Variants in SCLT1 observed in about 807,000 individuals in gnomAD.
SCLT1 encodes sodium channel and clathrin linker 1.
Under a neutral mutation model 112.8 loss-of-function variants are expected in SCLT1, and 78 were observed. That is an observed-to-expected ratio of 0.69 (90% CI 0.58 to 0.83). The LOEUF is 0.83. Among genes scored for constraint, SCLT1 ranks in the 40% least tolerant of loss-of-function variants. The probability of loss-of-function intolerance (pLI) is 0.00; values close to 1 mark genes in which losing one functional copy is unlikely to be tolerated. For missense variants in SCLT1, 747 were observed against 770.4 expected, an observed-to-expected ratio of 0.97 and a Z score of 0.36; for synonymous variants, 257 against 254.7, an observed-to-expected ratio of 1.01 and a Z score of -0.09.
intron 3 of SCLT1, among the ~76,000 whole-genome samples, chr4:128,878,411 A>C (rs1370002024): frequency 6.6e-6 from 1 of 152,190 alleles, no homozygotes; most frequent in Non-Finnish European, 1.5e-5. Flanking sequence ...CAATTTCTTT[A>C]TGAAGCAAAT....
chr4:129,016,354 G>T (rs1744996081), intron 5 of SCLT1, among the ~76,000 whole-genome samples: 1 of 151,714 alleles, frequency 6.6e-6, no homozygotes, highest in South Asian at 2.1e-4. Context: ...CCAGTGTGTT[G>T]TTCTGCTCCC....
chr4:129,017,292 T>A (rs1745077968), intron 5 of SCLT1, among the ~76,000 whole-genome samples: 1 of 152,162 alleles, frequency 6.6e-6, no homozygotes, highest in South Asian at 2.1e-4. Context: ...CAAAGTATAT[T>A]CCTGTTGGTT....
chr4:129,066,425 T>C lies in SCLT1; in HGVS notation c.102+15881A>G, dbSNP rs191936503. 1.3e-4 allele frequency among the ~76,000 whole-genome samples: 20 copies of C among 152,122 alleles called. 1 individual carries two copies. Among genetic ancestry groups the C allele is most frequent in the Admixed American group, 1.2e-3 (19 of 15,282 alleles). Reference sequence around the variant, plus strand: ...CAAAATATTTGACATTACTACCAAATGTTAAAAGGTTGTTTCACAATGAAC... The same window carrying C: ...CAAAATATTTGACATTACTACCAAACGTTAAAAGGTTGTTTCACAATGAAC... On this transcript the variant is annotated intron_variant, in intron 2 of 20. Transcript: ENST00000281142.
At position 128,984,128 on chromosome 4, in the gene SCLT1, G is replaced by A. The variant is rs553258306; in HGVS notation, c.686+8039C>T. ...TCATGGACAATTAAACACTTAAGAC[G>A]TTTTAGGCTTTGGAAAACTGCAACT... On this transcript the variant is annotated intron_variant, in intron 9 of 20. Coordinates refer to ENST00000281142, the MANE Select transcript of SCLT1 (RefSeq NM_144643.4). Among the ~76,000 whole-genome samples the A allele has an allele frequency of 1.8e-3, 274 of 152,280 alleles. 2 individuals are homozygous for A. The highest frequency in any genetic ancestry group is 3.1e-3 in the Non-Finnish European group (209 of 68,014).
Position 129,010,624 on chromosome 4 carries a change from T to G in SCLT1, c.291-6748A>C, listed in dbSNP as rs564811666. ...ATTTTGTGCTTCTTGTAGAGAGATC[T>G]TTCACCTTCCTAGTTAGCTGTATTC... On this transcript the variant is annotated intron_variant, in intron 5 of 20. Coordinates refer to ENST00000281142, the MANE Select transcript of SCLT1 (RefSeq NM_144643.4). Among the ~76,000 whole-genome samples the G allele has an allele frequency of 2.0e-5, 3 of 152,298 alleles. No homozygotes were observed. The East Asian group carries it at 5.8e-4, about 29-fold the overall frequency.
At chr4:129,081,047 C>T (rs989401384) in intron 2 of SCLT1, among the ~76,000 whole-genome samples, 2 of 152,258 alleles carry the variant, frequency 1.3e-5, no homozygotes, top group East Asian at 3.9e-4. Flanking sequence ...GGAGATAACA[C>T]TCCCTTGAAG....
At chr4:129,077,856 T>C (rs1438665487) in intron 2 of SCLT1, among the ~76,000 whole-genome samples, 6 of 152,140 alleles carry the variant, frequency 3.9e-5, no homozygotes, top group African/African-American at 1.4e-4. Context: ...TAAAGAACCC[T>C]CTAGGGATGC....
At chr4:129,030,118 A>T (rs1433171972) in intron 5 of SCLT1, among the ~76,000 whole-genome samples, 3 of 152,178 alleles carry the variant, frequency 2.0e-5, no homozygotes, top group African/African-American at 7.2e-5. Context: ...AGTCTCTCAG[A>T]TCACAGTGCA....
chr4:129,004,151 T>G (rs550401559), intron 5 of SCLT1, among the ~76,000 whole-genome samples: 2 of 138,396 alleles, frequency 1.4e-5, no homozygotes, highest in South Asian at 2.4e-4. Flanking sequence ...TTTCAAAAAT[T>G]TTCAAAAGAG....
chr4:129,063,931 C>G (rs1264421457), intron 2 of SCLT1, among the ~76,000 whole-genome samples: 1 of 152,168 alleles, frequency 6.6e-6, no homozygotes, highest in African/African-American at 2.4e-5. Context: ...GAGGGAATCT[C>G]TCTTGGAACC....
At chr4:128,982,071 A>T (rs1326172645) in intron 9 of SCLT1, among the ~76,000 whole-genome samples, 2 of 152,232 alleles carry the variant, frequency 1.3e-5, no homozygotes, top group African/African-American at 4.8e-5. Context: ...GAGTTGGGAC[A>T]GAAAAGAATT....
chr4:129,011,856 T>C (rs114748042), intron 5 of SCLT1, among the ~76,000 whole-genome samples: 4,296 of 152,314 alleles, frequency 0.028, 87 homozygotes, highest in Non-Finnish European at 0.047. Flanking sequence ...GATGGTTGTT[T>C]GTATTTCTGT....
intron 16 of SCLT1, among the ~76,000 whole-genome samples, chr4:128,945,233 A>G (rs965374272): frequency 2.0e-5 from 3 of 152,170 alleles, no homozygotes; most frequent in African/African-American, 7.2e-5. Context: ...AGACATATGG[A>G]TATACACATT....
intron 10 of SCLT1, among the ~76,000 whole-genome samples, chr4:128,969,157 C>T (rs879281477): frequency 2.0e-5 from 3 of 152,120 alleles, no homozygotes; most frequent in Non-Finnish European, 4.4e-5. Context: ...CTCTGGGGTC[C>T]CTCCCCCACT....
downstream of SCLT1, among the ~76,000 whole-genome samples, chr4:128,880,751 A>G (rs1205091015): frequency 6.6e-6 from 1 of 152,210 alleles, no homozygotes; most frequent in Non-Finnish European, 1.5e-5. Flanking sequence ...AACCCTGAAA[A>G]ATATTATATA....
At chr4:128,975,039 A>ATTTTTTTTTTTTTTTTTTTTTTTTTTTTT (rs1579564140) in intron 9 of SCLT1, among the ~76,000 whole-genome samples, 1 of 60,134 alleles carries the variant, frequency 1.7e-5, no homozygotes, top group Non-Finnish European at 2.9e-5. Flanking sequence ...TTGAATGACA[A>ATTTTTTTTTTTTTTTTTTTTTTTTTTTTT]CTTTTTTTTT....
chr4:129,035,263 T>C (rs1747081412), intron 5 of SCLT1, among the ~76,000 whole-genome samples: 1 of 152,166 alleles, frequency 6.6e-6, no homozygotes, highest in South Asian at 2.1e-4. Context: ...GCTTCACACA[T>C]CACTTTCTAA....
At chr4:128,897,948 G>T (rs1156802586) in intron 18 of SCLT1, among the ~76,000 whole-genome samples, 2 of 152,018 alleles carry the variant, frequency 1.3e-5, no homozygotes. Context: ...AATGGTAAAG[G>T]GATCAACTCA....
intron 9 of SCLT1, among the ~76,000 whole-genome samples, chr4:128,977,766 G>T (rs1741304761): frequency 6.6e-6 from 1 of 152,122 alleles, no homozygotes; most frequent in Non-Finnish European, 1.5e-5. Flanking sequence ...CAGAGAGGAA[G>T]GTAGAGGTCA....
Sources: gnomAD v4.1 joint callset for allele counts (sites outside exome capture counted in the v4.1 genomes callset) on GRCh38, gnomAD v4.1.1 for gene constraint, MANE v1.5 for transcripts, NCBI Gene and HGNC (gene_info 2026-07-23, HGNC 2026-07-21) for gene names.